Variants in CUX1 observed in about 807,000 individuals in gnomAD.
CUX1 encodes the protein protein CASP.
In CUX1, 31 loss-of-function variants were observed where a neutral mutation model predicts 158.8. The ratio of observed to expected loss-of-function variants is 0.20; its 90% CI spans 0.15 to 0.26. CUX1 has a LOEUF of 0.26. Among genes scored for constraint, CUX1 ranks in the 10% least tolerant of loss-of-function variants. The probability of loss-of-function intolerance (pLI) is 1.00; values close to 1 mark genes in which losing one functional copy is unlikely to be tolerated. For synonymous variants in CUX1, 879 were observed against 862.1 expected (o/e 1.02, Z -0.34); for missense variants, 1,589 against 2,014.6 (o/e 0.79, Z 4.04).
At chr7:101,816,419 G>A (rs1217572293), upstream of CUX1, among the ~76,000 whole-genome samples, 1 of 140,482 alleles carries the variant, frequency 7.1e-6, no homozygotes, top group Non-Finnish European at 1.6e-5. Flanking sequence ...CGCCGCCGCC[G>A]CCAGCGCCGC....
In CUX1 at chr7:102,196,967, C is replaced by G. The variant is rs1458861055; in HGVS notation, c.1556C>G (p.Ser519Cys). ...TGPYSTNSIS[S>C]QSPLQQSPDV... Reference sequence around the variant, plus strand: ...CCATACAGCACAAACTCCATATCTTCCCAAAGTCCATTACAACAAAGCCCA... The same window carrying G: ...CCATACAGCACAAACTCCATATCTTGCCAAAGTCCATTACAACAAAGCCCA... Residue 519 changes from serine to cysteine, a missense_variant, in exon 15 of 24, where the codon TCC (serine) becomes TGC (cysteine). Coordinates refer to ENST00000292535, the MANE Select transcript of CUX1 (RefSeq NM_181552.4). 6.2e-7 allele frequency: 1 copy of G among 1,614,092 alleles called. No individual in the cohort carries two copies. Among genetic ancestry groups the G allele is most frequent in the African/African-American group, 1.3e-5 (1 of 74,918 alleles).
At chr7:102,146,317 T>A (rs1264926292) in intron 8 of CUX1, among the ~76,000 whole-genome samples, 1 of 152,170 alleles carries the variant, frequency 6.6e-6, no homozygotes, top group Non-Finnish European at 1.5e-5. Context: ...CACAGGCTGT[T>A]CCCGATCACG....
intron 2 of CUX1, among the ~76,000 whole-genome samples, chr7:102,000,076 C>T (rs1040009308): frequency 3.9e-5 from 6 of 152,096 alleles, no homozygotes; most frequent in Non-Finnish European, 8.8e-5. Context: ...ATTAGCTAGG[C>T]GTGGTAGCAG....
At chr7:101,846,888 T>C (rs1015142250) in intron 1 of CUX1, among the ~76,000 whole-genome samples, 8 of 152,008 alleles carry the variant, frequency 5.3e-5, no homozygotes, top group African/African-American at 1.7e-4. Flanking sequence ...TCCCAGCACT[T>C]TGGGAATCCA....
chr7:102,029,693 T>A (rs377706280), intron 3 of CUX1, among the ~76,000 whole-genome samples: 2 of 152,310 alleles, frequency 1.3e-5, no homozygotes, highest in Admixed American at 6.5e-5. Context: ...TCCTGCCTCA[T>A]TCAGCCCCCA....
chr7:102,175,055 G>C (rs372944790), intron 10 of CUX1, among the ~76,000 whole-genome samples: 1 of 152,244 alleles, frequency 6.6e-6, no homozygotes, highest in African/African-American at 2.4e-5. Context: ...TAGTTCGTGC[G>C]AGACAGCGAT....
chr7:102,038,049 CA>C (rs11449826), intron 3 of CUX1, among the ~76,000 whole-genome samples: 26,927 of 142,378 alleles, frequency 0.19, 2,903 homozygotes, highest in East Asian at 0.6. Context: ...GACTCTGTCT[CA>C]AAAAAAAAAA....
chr7:102,204,310 G>T, intron 18 of CUX1, 81 bp from the exon 19 acceptor site: 1 of 1,555,942 alleles, frequency 6.4e-7, no homozygotes, highest in Non-Finnish European at 8.8e-7. Context: ...CCTCTGCGTG[G>T]TGGGTGTGCA....
At chr7:101,956,263 G>A (rs547846706) in intron 2 of CUX1, among the ~76,000 whole-genome samples, 3 of 151,750 alleles carry the variant, frequency 2.0e-5, no homozygotes, top group East Asian at 1.9e-4. Context: ...AATGAGAATC[G>A]CAGTGCCTCA....
chr7:101,975,761 G>A (rs1201810040), intron 2 of CUX1, among the ~76,000 whole-genome samples: 1 of 152,166 alleles, frequency 6.6e-6, no homozygotes, highest in Non-Finnish European at 1.5e-5. Context: ...TTAGCCAGTG[G>A]TATCTCCTGT....
intron 3 of CUX1, among the ~76,000 whole-genome samples, chr7:102,058,892 T>C (rs1169513001): frequency 2.0e-5 from 3 of 152,180 alleles, no homozygotes; most frequent in African/African-American, 7.2e-5. Context: ...TCCCATAGGC[T>C]GGAATAGAAC....
intron 1 of CUX1, among the ~76,000 whole-genome samples, chr7:101,832,595 C>T (rs1794169572): frequency 6.6e-6 from 1 of 152,180 alleles, no homozygotes; most frequent in Non-Finnish European, 1.5e-5. Flanking sequence ...CTTTATTCAT[C>T]CCTATTTGCT....
At chr7:102,158,433 C>A in intron 8 of CUX1, 127 bp from the exon 9 acceptor site, 1 of 801,684 alleles carries the variant, frequency 1.2e-6, no homozygotes, top group Non-Finnish European at 2.1e-6. Context: ...CCTCCTCCTG[C>A]TGGACAGCAT....
At chr7:101,942,706 A>AT (rs1317621208) in intron 2 of CUX1, among the ~76,000 whole-genome samples, 1 of 152,100 alleles carries the variant, frequency 6.6e-6, no homozygotes, top group Non-Finnish European at 1.5e-5. Context: ...GGCTCAAGTG[A>AT]TCCCCCTGCG....
intron 6 of CUX1, among the ~76,000 whole-genome samples, chr7:102,110,564 TTA>T (rs782134386): frequency 2.0e-5 from 3 of 152,228 alleles, no homozygotes; most frequent in Non-Finnish European, 2.9e-5. Context: ...ACATAGTAGT[TTA>T]TGTTACACTA....
intron 3 of CUX1, among the ~76,000 whole-genome samples, chr7:102,056,464 C>G (rs1228929699): frequency 6.6e-6 from 1 of 152,206 alleles, no homozygotes; most frequent in Non-Finnish European, 1.5e-5. Flanking sequence ...CCTACTCTGC[C>G]TGTGCACTAG....
chr7:102,059,046 C>A (rs1824471873), intron 3 of CUX1, among the ~76,000 whole-genome samples: 2 of 152,234 alleles, frequency 1.3e-5, no homozygotes, highest in South Asian at 2.1e-4. Flanking sequence ...AAGCTGTGAT[C>A]TGCTGTCCTG....
At chr7:102,156,635 T>G (rs1418277740) in intron 8 of CUX1, among the ~76,000 whole-genome samples, 3 of 152,080 alleles carry the variant, frequency 2.0e-5, no homozygotes, top group African/African-American at 7.2e-5. Flanking sequence ...AGACAAACCA[T>G]AGCAGGGTGG....
chr7:101,943,314 C>T (rs995948879), intron 2 of CUX1, among the ~76,000 whole-genome samples: 3 of 151,700 alleles, frequency 2.0e-5, no homozygotes, highest in Non-Finnish European at 2.9e-5. Context: ...ACCATGTTGG[C>T]CAGGTTGGTC....
Sources: gnomAD v4.1 joint callset for allele counts (sites outside exome capture counted in the v4.1 genomes callset) on GRCh38, gnomAD v4.1.1 for gene constraint, MANE v1.5 for transcripts, NCBI Gene and HGNC (gene_info 2026-07-23, HGNC 2026-07-21) for gene names.